Variants in HDAC4 observed in about 807,000 individuals in gnomAD.
HDAC4 encodes the protein histone deacetylase 4.
In HDAC4, 16 loss-of-function variants were observed where a neutral mutation model predicts 135.1. The observed-to-expected ratio is 0.12, with a 90% CI of 0.08 to 0.18. The LOEUF is 0.18. Ranked by LOEUF, HDAC4 falls within the 10% of genes least tolerant of loss-of-function variation. The pLI, the probability that HDAC4 is intolerant of heterozygous loss-of-function variation, is 1.00. For missense variants in HDAC4, 1,143 were observed against 1,511.8 expected (o/e 0.76, Z 4.05); for synonymous variants, 685 against 653.4 (o/e 1.05, Z -0.74).
chr2:239,144,066 G>C (rs112280730), intron 8 of HDAC4, among the ~76,000 whole-genome samples: 61 of 152,256 alleles, frequency 4.0e-4, no homozygotes, highest in African/African-American at 1.4e-3. Flanking sequence ...TCCACCACTA[G>C]ATGGGGCCAA....
chr2:239,395,663 A>C (rs1251448518), intron 1 of HDAC4, among the ~76,000 whole-genome samples: 5 of 152,154 alleles, frequency 3.3e-5, no homozygotes, highest in African/African-American at 1.2e-4. Context: ...ATGTACTTAA[A>C]ACCAGGAGTG....
intron 22 of HDAC4, among the ~76,000 whole-genome samples, chr2:239,072,386 T>C (rs554030438): frequency 1.1e-4 from 16 of 152,344 alleles, no homozygotes; most frequent in Admixed American, 9.2e-4. Context: ...TGCTGTGAGC[T>C]CTGGGGGTCC....
At chr2:239,217,616 G>A (rs1156612124) in intron 3 of HDAC4, among the ~76,000 whole-genome samples, 2 of 152,274 alleles carry the variant, frequency 1.3e-5, no homozygotes, top group East Asian at 3.9e-4. Flanking sequence ...GCTGGAACAG[G>A]AAAGCACAGT....
intron 2 of HDAC4, among the ~76,000 whole-genome samples, chr2:239,305,058 G>C (rs939794073): frequency 6.6e-6 from 1 of 152,178 alleles, no homozygotes; most frequent in African/African-American, 2.4e-5. Flanking sequence ...CAGGCTCTGT[G>C]TTCTTAGACA....
At chr2:239,090,850 C>G (rs946004257) in intron 17 of HDAC4, among the ~76,000 whole-genome samples, 3 of 152,182 alleles carry the variant, frequency 2.0e-5, no homozygotes, top group African/African-American at 7.2e-5. Flanking sequence ...GTCGACCTGT[C>G]AAATAATTAG....
chr2:239,398,384 G>T (rs1696709571), intron 1 of HDAC4, among the ~76,000 whole-genome samples: 1 of 152,222 alleles, frequency 6.6e-6, no homozygotes, highest in East Asian at 1.9e-4. Context: ...AGCCATTCAT[G>T]CTGCATTGAA....
At chr2:239,152,831 C>T (rs375413537) in intron 7 of HDAC4, among the ~76,000 whole-genome samples, 15 of 152,144 alleles carry the variant, frequency 9.9e-5, no homozygotes, top group African/African-American at 3.6e-4. Flanking sequence ...AGAAAAAAAT[C>T]AAAAACACCC....
intron 2 of HDAC4, among the ~76,000 whole-genome samples, chr2:239,341,713 A>C (rs982198477): frequency 6.6e-6 from 1 of 152,242 alleles, no homozygotes; most frequent in African/African-American, 2.4e-5. Flanking sequence ...GTATTTAAAA[A>C]GGAATACCTT....
At chr2:239,304,450 C>A (rs2052457090) in intron 2 of HDAC4, among the ~76,000 whole-genome samples, 1 of 152,160 alleles carries the variant, frequency 6.6e-6, no homozygotes, top group African/African-American at 2.4e-5. Context: ...CAGCTCAGGC[C>A]CTGCTGAACT....
intron 2 of HDAC4, among the ~76,000 whole-genome samples, chr2:239,277,659 A>C (rs1265269690): frequency 6.6e-6 from 1 of 152,194 alleles, no homozygotes; most frequent in East Asian, 1.9e-4. Flanking sequence ...TAAAAGGGCC[A>C]CACAGCCGCC....
At position 239,087,631 on chromosome 2, in the gene HDAC4, A is replaced by C. The variant is rs1421445267; in HGVS notation, c.2389-17T>G. ...AAAGCCATTCTGCAGGTGACACCAG[A>C]CAGCCAGGAGAGAGCAACAAAAGAC... On this transcript the variant is annotated splice_polypyrimidine_tract_variant and intron_variant, in intron 18 of 26. Transcript: ENST00000543185. 10 of 1,613,186 alleles carry C rather than the reference A, an allele frequency of 6.2e-6. No individual in the cohort carries two copies. Among genetic ancestry groups the C allele is most frequent in the Admixed American group, 5.0e-5 (3 of 59,910 alleles).
chr2:239,316,744 TG>T (rs1263080633), intron 2 of HDAC4, among the ~76,000 whole-genome samples: 1 of 151,938 alleles, frequency 6.6e-6, no homozygotes, highest in Non-Finnish European at 1.5e-5. Context: ...TGCAAGAAAG[TG>T]GGCAAATGAA....
At chr2:239,113,401 G>A (rs898314526) in intron 13 of HDAC4, among the ~76,000 whole-genome samples, 3 of 152,308 alleles carry the variant, frequency 2.0e-5, no homozygotes, top group Admixed American at 6.5e-5. Flanking sequence ...TGGGATTGCC[G>A]TGGGCCCCAC....
chr2:239,163,147 A>G (rs2042916785), intron 6 of HDAC4, among the ~76,000 whole-genome samples: 1 of 152,114 alleles, frequency 6.6e-6, no homozygotes, highest in South Asian at 2.1e-4. Flanking sequence ...CAGACGAACA[A>G]GCCTTTTGTG....
chr2:239,075,976 T>C (rs1021102545), intron 22 of HDAC4, among the ~76,000 whole-genome samples: 1 of 140,406 alleles, frequency 7.1e-6, no homozygotes, highest in African/African-American at 2.7e-5. Flanking sequence ...CTCAGCTTCC[T>C]GGGAAACAGA....
chr2:239,081,702 G>A (rs1236691579), intron 21 of HDAC4, among the ~76,000 whole-genome samples: 3 of 152,208 alleles, frequency 2.0e-5, no homozygotes, highest in Non-Finnish European at 4.4e-5. Flanking sequence ...GAGCCGCTGG[G>A]CCTGCCGTTC....
chr2:239,183,002 C>G (rs2044250042), intron 4 of HDAC4, among the ~76,000 whole-genome samples: 1 of 152,258 alleles, frequency 6.6e-6, no homozygotes, highest in African/African-American at 2.4e-5. Context: ...TTGTCTGCAA[C>G]TAGTCCCTCG....
rs1482847922 is a variant in HDAC4, at chr2:239,365,136, TC to T, written c.-219-12219del. Among the ~76,000 whole-genome samples, 5 of 152,382 alleles carry T rather than the reference TC, an allele frequency of 3.3e-5. No homozygotes were observed. The South Asian group carries it at 8.3e-4, about 25-fold the overall frequency. On this transcript the variant is annotated intron_variant, in intron 1 of 26. Coordinates refer to ENST00000543185, the MANE Select transcript of HDAC4 (RefSeq NM_001378414.1). ...ACTGTTGCTATATGACATTTCTGACTCCTGTCTATACAGTGAGTTTAATAAG... is the reference window on the plus strand; with the variant it reads ...ACTGTTGCTATATGACATTTCTGACTCTGTCTATACAGTGAGTTTAATAAG...
At chr2:239,395,267 A>C (rs1209047234) in intron 1 of HDAC4, among the ~76,000 whole-genome samples, 1 of 152,194 alleles carries the variant, frequency 6.6e-6, no homozygotes, top group Non-Finnish European at 1.5e-5. Flanking sequence ...AGACCTTAGG[A>C]TCCTAAGAAT....
Sources: allele counts gnomAD v4.1 joint callset (sites outside exome capture counted in the v4.1 genomes callset), GRCh38; gene constraint gnomAD v4.1.1; transcripts MANE v1.5; gene names NCBI Gene and HGNC (gene_info 2026-07-23, HGNC 2026-07-21).